The following LRRC37A2 variants were observed in gnomAD, a reference collection of about 807,000 sequenced individuals.
LRRC37A2 encodes the protein leucine rich repeat containing 37 member A2, also known as leucine-rich repeat-containing protein 37A2.
LRRC37A2 carries 9 observed loss-of-function variants against 68.8 expected under a neutral mutation model. That is an observed-to-expected ratio of 0.13 (90% CI 0.08 to 0.23). The LOEUF is 0.23. Ranked by LOEUF, LRRC37A2 falls within the 10% of genes least tolerant of loss-of-function variation. The pLI, the probability that LRRC37A2 is intolerant of heterozygous loss-of-function variation, is 1.00. For missense variants in LRRC37A2, 168 were observed against 950.4 expected (o/e 0.18, Z 10.82); for synonymous variants, 63 against 367.6 (o/e 0.17, Z 9.48).
At chr17:46,774,357 C>T in the LRRC37A2 span, among the ~76,000 whole-genome samples, 147 of 152,338 alleles carry the variant, frequency 9.6e-4, 1 homozygote, top group African/African-American at 3.2e-3. Flanking sequence ...GACACGCGCG[C>T]GCGCGCACAC....
At chr17:46,841,300 C>A in the LRRC37A2 span, among the ~76,000 whole-genome samples, 37 of 152,256 alleles carry the variant, frequency 2.4e-4, no homozygotes, top group African/African-American at 8.7e-4. Context: ...GGTCACCCAG[C>A]TAGGAAGGAA....
the LRRC37A2 span, among the ~76,000 whole-genome samples, chr17:46,703,700 A>C: frequency 4.0e-5 from 6 of 148,704 alleles, no homozygotes; most frequent in Non-Finnish European, 5.9e-5. Context: ...AAAAAAAAAA[A>C]AAAACAAAAA....
chr17:46,684,537 C>T, the LRRC37A2 span, among the ~76,000 whole-genome samples: 3 of 152,058 alleles, frequency 2.0e-5, no homozygotes, highest in African/African-American at 4.8e-5. Context: ...CAGCATGGTA[C>T]TGTTACCAAA....
intron 6 of LRRC37A2, among the ~76,000 whole-genome samples, chr17:46,534,214 T>G (rs1431081837): frequency 1.3e-5 from 2 of 148,260 alleles, no homozygotes; most frequent in Admixed American, 6.7e-5. Context: ...TTAATTTTTT[T>G]TTATTGATCA....
the LRRC37A2 span, among the ~76,000 whole-genome samples, chr17:46,857,267 G>T: frequency 6.6e-6 from 1 of 151,956 alleles, no homozygotes; most frequent in East Asian, 1.9e-4. Flanking sequence ...TCTGGAGTTC[G>T]AGACCAGCCT....
At chr17:46,994,029 T>G in the LRRC37A2 span, among the ~76,000 whole-genome samples, 1 of 152,140 alleles carries the variant, frequency 6.6e-6, no homozygotes, top group African/African-American at 2.4e-5. Context: ...AGAAGCATTG[T>G]TATGAAAGTA....
the LRRC37A2 span, among the ~76,000 whole-genome samples, chr17:46,906,710 T>C: frequency 6.6e-6 from 1 of 152,040 alleles, no homozygotes; most frequent in East Asian, 1.9e-4. Context: ...TATGCCCACT[T>C]CATATAGGAA....
the LRRC37A2 span, among the ~76,000 whole-genome samples, chr17:46,999,148 T>C: frequency 6.6e-6 from 1 of 152,206 alleles, no homozygotes; most frequent in Admixed American, 6.5e-5. Context: ...TCCGTTTAAT[T>C]AGGTACTATA....
chr17:46,954,022 G>A, the LRRC37A2 span, among the ~76,000 whole-genome samples: 61,131 of 151,874 alleles, frequency 0.4, 12,520 homozygotes, highest in South Asian at 0.48. Flanking sequence ...TTTGCTGTGC[G>A]GAAGCTCTTT....
chr17:46,838,145 T>C, the LRRC37A2 span, among the ~76,000 whole-genome samples: 4 of 152,146 alleles, frequency 2.6e-5, no homozygotes, highest in Non-Finnish European at 5.9e-5. Context: ...AAAAGCCTTC[T>C]CTGTGTCACT....
rs1301277987 is a variant in LRRC37A2, at chr17:46,549,318, A to C, written c.4179A>C (p.Ala1393=). 3 of 1,607,556 alleles carry C rather than the reference A, an allele frequency of 1.9e-6. No homozygotes were observed. In the Admixed American group the frequency reaches 5.1e-5, roughly 27 times the overall value. ...ACAATAATACAAAACACACAACTGC[A>C]AGAAATGCCTTTGAAGAAAATGATT... is the stretch of plus-strand genomic sequence containing the variant. The change falls in exon 10 of 15, where the codon GCA becomes GCC. Residue 1393 remains alanine (A), a synonymous_variant. Transcript: ENST00000576629.
At chr17:46,493,762 C>T in the LRRC37A2 span, among the ~76,000 whole-genome samples, 1 of 150,366 alleles carries the variant, frequency 6.7e-6, no homozygotes, top group African/African-American at 2.5e-5. Flanking sequence ...TGGTCTTGAT[C>T]TCCTGACCTT....
chr17:46,985,307 T>A, the LRRC37A2 span, among the ~76,000 whole-genome samples: 10 of 151,732 alleles, frequency 6.6e-5, no homozygotes, highest in Admixed American at 6.6e-4. Flanking sequence ...GATCATGAGG[T>A]CACTAGTTCG....
the LRRC37A2 span, among the ~76,000 whole-genome samples, chr17:46,807,123 A>G: frequency 6.6e-6 from 1 of 152,136 alleles, no homozygotes; most frequent in Non-Finnish European, 1.5e-5. Context: ...ATCATGGAGG[A>G]AAAAAAAGAG....
chr17:46,818,420 G>T, the LRRC37A2 span: 1 of 1,236,438 alleles, frequency 8.1e-7, no homozygotes, highest in Non-Finnish European at 1.2e-6. Flanking sequence ...GAGGAGAGGA[G>T]CCCCAGCCCT....
At chr17:46,709,732 T>C in the LRRC37A2 span, among the ~76,000 whole-genome samples, 9 of 152,108 alleles carry the variant, frequency 5.9e-5, no homozygotes, top group Admixed American at 2.6e-4. Flanking sequence ...ATACCTCAGG[T>C]GATCCACCCG....
At chr17:46,843,035 A>G in the LRRC37A2 span, among the ~76,000 whole-genome samples, 1 of 152,134 alleles carries the variant, frequency 6.6e-6, no homozygotes, top group Non-Finnish European at 1.5e-5. Context: ...GTTGCTAGTG[A>G]CTCCTATTGG....
the LRRC37A2 span, among the ~76,000 whole-genome samples, chr17:46,738,475 G>A: frequency 6.6e-6 from 1 of 152,130 alleles, no homozygotes; most frequent in African/African-American, 2.4e-5. Flanking sequence ...CTGAAGCAAA[G>A]TATAATAAAC....
the LRRC37A2 span, among the ~76,000 whole-genome samples, chr17:46,899,141 G>A: frequency 2.0e-5 from 3 of 152,134 alleles, no homozygotes; most frequent in Non-Finnish European, 2.9e-5. Context: ...CATAATCGCA[G>A]CACTATGGGA....
Sources: gnomAD v4.1 joint callset for allele counts (sites outside exome capture counted in the v4.1 genomes callset) on GRCh38, gnomAD v4.1.1 for gene constraint, MANE v1.5 for transcripts, NCBI Gene and HGNC (gene_info 2026-07-23, HGNC 2026-07-21) for gene names.